Variants in MAP9 observed in about 807,000 individuals in gnomAD.
MAP9 encodes the protein microtubule-associated protein 9.
A neutral mutation model predicts 75.2 loss-of-function variants in MAP9; 80 were observed. The ratio of observed to expected loss-of-function variants is 1.06; its 90% CI spans 0.89 to 1.28. The LOEUF is 1.28. Ranked by LOEUF, MAP9 falls within the 50% of genes most tolerant of loss-of-function variation. MAP9 has a pLI of 0.00. For missense variants in MAP9, 753 were observed against 719.9 expected (o/e 1.05, Z -0.53); for synonymous variants, 235 against 237.3 (o/e 0.99, Z 0.09).
At chr4:155,360,852 T>C (rs540324933) in intron 6 of MAP9, 1 of 161,936 alleles carries the variant, frequency 6.2e-6, no homozygotes, top group East Asian at 1.7e-4. Context: ...ATTGTTGAAT[T>C]GTATAGCTGC....
chr4:155,347,928 T>A, intron 13 of MAP9, 23 bp from the exon 14 acceptor site: 7 of 1,332,786 alleles, frequency 5.3e-6, no homozygotes, highest in Non-Finnish European at 7.4e-6. Context: ...TAGAACACTA[T>A]AAATTTATGT....
chr4:155,349,381 G>A (rs563287682), intron 13 of MAP9: 66 of 9,346 alleles, frequency 7.1e-3, no homozygotes, highest in African/African-American at 0.024. Context: ...ATTCCTCAAG[G>A]AGCAGGAAAA....
At position 155,371,804 on chromosome 4, in the gene MAP9, C is replaced by G. The variant is rs185081451; in HGVS notation, c.481+1332G>C. On this transcript the variant is annotated intron_variant, in intron 4 of 13. Transcript: ENST00000311277. ...CTTCTAATTATATACATCCACCTGT[C>G]TCAGACAAATTTTTAGTTGCTATAT... 7.9e-5 allele frequency among the ~76,000 whole-genome samples: 12 copies of G among 151,532 alleles called. No individual in the cohort carries two copies. In the East Asian group the frequency reaches 2.1e-3, roughly 27 times the overall value.
Position 155,362,050 on chromosome 4 carries a change from T to C in MAP9, c.800A>G (p.Lys267Arg), listed in dbSNP as rs376553025. Residue 267 changes from lysine (K) to arginine (R), a missense_variant and splice_region_variant, in exon 6 of 14, where the codon AAA becomes AGA. Physicochemically the swap from Lys to Arg is conservative, Grantham distance 26 (BLOSUM62 2). Transcript: ENST00000311277. ...ATATAATTATTAGATATAACCACCT[T>C]TTCCAGATGCGTTTCCCTCAGATCC... Reference protein sequence around the residue: ...SPGSEGNASGKDPNEEITENH... With the variant: ...SPGSEGNASGRDPNEEITENH... 5 of 1,584,042 alleles carry C rather than the reference T, an allele frequency of 3.2e-6. No individual in the cohort carries two copies. The highest frequency in any genetic ancestry group is 3.4e-6 in the Non-Finnish European group (4 of 1,159,884).
In MAP9 at chr4:155,343,054, T is replaced by C. The variant is rs1731168392; in HGVS notation, c.*4729A>G. On this transcript the variant is annotated 3_prime_UTR_variant, in exon 14 of 14. Coordinates refer to ENST00000311277, the MANE Select transcript of MAP9 (RefSeq NM_001039580.2). ...ATCTAAAATTATTAGAAAATTATAT[T>C]AGCATGGAAATATGTTCATGATATA... 1.3e-5 allele frequency: 2 copies of C among 152,020 alleles called. No homozygotes were observed. The highest frequency in any genetic ancestry group is 1.3e-4 in the Admixed American group (2 of 15,252). The allele number at this position is 152,020 out of a possible 1,614,324, so 9.4% of individuals were successfully genotyped here. A position where few individuals can be genotyped will look rare whatever the true frequency, so the allele number is the denominator to read the frequency against.
At chr4:155,375,993 G>T in intron 1 of MAP9, 79 bp from the exon 2 acceptor site, 2 of 555,858 alleles carry the variant, frequency 3.6e-6, no homozygotes, top group Non-Finnish European at 3.2e-6. Context: ...TCCCCACAAA[G>T]GTCAAAGAAA....
chr4:155,357,960 T>C (rs1162895612), intron 7 of MAP9, among the ~76,000 whole-genome samples: 1 of 151,996 alleles, frequency 6.6e-6, no homozygotes, highest in Non-Finnish European at 1.5e-5. Flanking sequence ...TGAATGGAGC[T>C]GAAGCATAGT....
intron 7 of MAP9, among the ~76,000 whole-genome samples, chr4:155,358,519 G>A (rs935146416): frequency 1.3e-5 from 2 of 152,008 alleles, no homozygotes; most frequent in African/African-American, 4.8e-5. Flanking sequence ...GTTTTCTTCC[G>A]CTGATAATAA....
chr4:155,355,593 CT>C, intron 9 of MAP9, 122 bp downstream of exon 9: 1 of 589,888 alleles, frequency 1.7e-6, no homozygotes, highest in African/African-American at 5.8e-5. Context: ...AAAGGAAACT[CT>C]TTCTCAATAA....
intron 4 of MAP9, among the ~76,000 whole-genome samples, chr4:155,369,894 A>AT (rs1301670510): frequency 6.6e-6 from 1 of 152,132 alleles, no homozygotes; most frequent in African/African-American, 2.4e-5. Context: ...CCATGTATAT[A>AT]TTTTTTGCCT....
At chr4:155,367,159 T>C (rs1732367070) in intron 5 of MAP9, 1 of 152,156 alleles carries the variant, frequency 6.6e-6, no homozygotes, top group Non-Finnish European at 1.5e-5. Flanking sequence ...TCTTAGGAAA[T>C]AAGGTGTTTA....
At chr4:155,359,360 G>C (rs944100431) in intron 7 of MAP9, among the ~76,000 whole-genome samples, 6 of 151,910 alleles carry the variant, frequency 3.9e-5, no homozygotes, top group Non-Finnish European at 5.9e-5. Flanking sequence ...AATGGTACAT[G>C]TTCTCACTTA....
In MAP9 at chr4:155,344,869, A is replaced by C. The variant is rs572930176; in HGVS notation, c.*2914T>G. The C allele has an allele frequency of 5.3e-5, 8 of 152,046 alleles. No individual in the cohort carries two copies. Among genetic ancestry groups the C allele is most frequent in the Middle Eastern group, 3.4e-3 (1 of 294 alleles). The allele number at this position is 152,046 out of a possible 1,614,324, so 9.4% of individuals were successfully genotyped here. ...TTTCTAAGGAAACTTGTTTTAAGTA[A>C]TGTTTTAAAATATTCATAAAATTTG... is the stretch of plus-strand genomic sequence containing the variant. On this transcript the variant is annotated 3_prime_UTR_variant, in exon 14 of 14. Coordinates refer to ENST00000311277, the MANE Select transcript of MAP9 (RefSeq NM_001039580.2).
intron 5 of MAP9, 179 bp downstream of exon 5, chr4:155,368,407 G>A (rs1732423623): frequency 1.6e-6 from 1 of 632,322 alleles, no homozygotes; most frequent in African/African-American, 1.8e-5. Flanking sequence ...AATTGATGCA[G>A]TTTTAGACTC....
At chr4:155,369,885 C>T (rs1732517810) in intron 4 of MAP9, among the ~76,000 whole-genome samples, 1 of 152,088 alleles carries the variant, frequency 6.6e-6, no homozygotes, top group South Asian at 2.1e-4. Flanking sequence ...GAAGACTTTC[C>T]ATGTATATAT....
chr4:155,365,734 T>C (rs1453055880), intron 5 of MAP9, among the ~76,000 whole-genome samples: 2 of 151,698 alleles, frequency 1.3e-5, no homozygotes, highest in Non-Finnish European at 2.9e-5. Flanking sequence ...TATTTGAAAA[T>C]AAAATAAATC....
intron 12 of MAP9, 37 bp from the exon 13 acceptor site, chr4:155,352,765 G>A (rs768325835): frequency 5.3e-6 from 8 of 1,498,400 alleles, no homozygotes; most frequent in South Asian, 3.8e-5. Context: ...AGAGTTAAAG[G>A]AAAATACATA....
intron 6 of MAP9, 33 bp from the exon 7 acceptor site, chr4:155,360,448 C>T: frequency 6.3e-7 from 1 of 1,578,626 alleles, no homozygotes; most frequent in South Asian, 1.1e-5. Context: ...CATTAAAACC[C>T]CCTTCTGAAT....
rs368972475 is a variant in MAP9, at chr4:155,375,852, G to T, written c.-2C>A. 17 of 1,602,120 alleles carry T rather than the reference G, an allele frequency of 1.1e-5. No homozygotes were observed. The highest frequency in any genetic ancestry group is 1.5e-5 in the Non-Finnish European group (17 of 1,171,990). ...GGTGCTAAAAACTTCATCAGACATAGTGTATTTTTTCTCGTTACCTTTATA... is the reference window on the plus strand; with the variant it reads ...GGTGCTAAAAACTTCATCAGACATATTGTATTTTTTCTCGTTACCTTTATA... On this transcript the variant is annotated 5_prime_UTR_variant, in exon 2 of 14. Coordinates refer to ENST00000311277, the MANE Select transcript of MAP9 (RefSeq NM_001039580.2).
Sources: gnomAD v4.1 joint callset for allele counts (sites outside exome capture counted in the v4.1 genomes callset) on GRCh38, gnomAD v4.1.1 for gene constraint, MANE v1.5 for transcripts, NCBI Gene and HGNC (gene_info 2026-07-23, HGNC 2026-07-21) for gene names.